The following STPG2 variants were observed in gnomAD, a reference collection of about 807,000 sequenced individuals.
STPG2 encodes sperm-tail PG-rich repeat-containing protein 2.
In STPG2, 56 loss-of-function variants were observed where a neutral mutation model predicts 54.2. The ratio of observed to expected loss-of-function variants is 1.03; its 90% CI spans 0.83 to 1.29. STPG2 has a LOEUF of 1.29. Among genes scored for constraint, STPG2 ranks in the 50% most tolerant of loss-of-function variants. STPG2 has a pLI of 0.00. For synonymous variants in STPG2, 200 were observed against 181.8 expected (o/e 1.10, Z -0.81); for missense variants, 596 against 544.9 (o/e 1.09, Z -0.93).
chr4:97,497,625 T>C (rs1466109267), intron 4 of STPG2, among the ~76,000 whole-genome samples: 1 of 151,846 alleles, frequency 6.6e-6, no homozygotes, highest in Non-Finnish European at 1.5e-5. Flanking sequence ...TATCAGATAA[T>C]TACTTGGAAA....
Position 97,493,163 on chromosome 4 carries a change from C to A in STPG2, c.462+219536G>T, listed in dbSNP as rs142798896. ...AGTCTGTATAGAAAGAGTAAAACGT[C>A]GGTTATTACAGCCTCCAAACTGAAG... On this transcript the variant is annotated intron_variant, in intron 4 of 4. Transcript: ENST00000522676. Among the ~76,000 whole-genome samples the A allele has an allele frequency of 2.5e-4, 37 of 150,784 alleles. No individual in the cohort carries two copies. The East Asian group carries it at 6.7e-3, about 27-fold the overall frequency.
chr4:97,636,476 AG>A (rs1721535363), intron 10 of STPG2, among the ~76,000 whole-genome samples: 1 of 145,698 alleles, frequency 6.9e-6, no homozygotes, highest in Non-Finnish European at 1.5e-5. Flanking sequence ...GCAGAAGGCA[AG>A]AAATAACTAA....
intron 10 of STPG2, among the ~76,000 whole-genome samples, chr4:97,649,531 G>A (rs1458519345): frequency 1.3e-5 from 2 of 152,152 alleles, no homozygotes; most frequent in African/African-American, 2.4e-5. Context: ...TCTCTAGCCA[G>A]TAGAAGCTGA....
At chr4:97,464,889 A>G (rs1729752072) in intron 4 of STPG2, among the ~76,000 whole-genome samples, 1 of 152,166 alleles carries the variant, frequency 6.6e-6, no homozygotes, top group Admixed American at 6.5e-5. Context: ...TACACCCTTA[A>G]AAAAAGTCAT....
chr4:98,096,142 C>T (rs1269732268), intron 5 of STPG2, among the ~76,000 whole-genome samples: 1 of 152,120 alleles, frequency 6.6e-6, no homozygotes, highest in Admixed American at 6.6e-5. Flanking sequence ...CACCTGTAAT[C>T]CCAGCACTTT....
chr4:97,999,914 C>A (rs557509989), intron 5 of STPG2, among the ~76,000 whole-genome samples: 1 of 152,058 alleles, frequency 6.6e-6, no homozygotes, highest in East Asian at 1.9e-4. Flanking sequence ...CATCTGAGGC[C>A]ATGAAATTAA....
In STPG2 at chr4:97,868,559, G is replaced by A. The variant is rs528761177; in HGVS notation, c.1045-27627C>T. Among the ~76,000 whole-genome samples, 6 of 151,992 alleles carry A rather than the reference G, an allele frequency of 3.9e-5. No homozygotes were observed. In the South Asian group the frequency reaches 1.0e-3, roughly 26 times the overall value. ...GTTATTTTTTAATTCTTGGAGCTCAGATTCCAACCAAAGGCTCTCCTGTCA... is the reference window on the plus strand; with the variant it reads ...GTTATTTTTTAATTCTTGGAGCTCAAATTCCAACCAAAGGCTCTCCTGTCA... On this transcript the variant is annotated intron_variant, in intron 8 of 10. Coordinates refer to ENST00000295268, the MANE Select transcript of STPG2 (RefSeq NM_174952.3).
chr4:97,834,951 G>A (rs1051138420), intron 9 of STPG2, among the ~76,000 whole-genome samples: 2 of 151,964 alleles, frequency 1.3e-5, no homozygotes, highest in Non-Finnish European at 2.9e-5. Context: ...CAAACCCTTA[G>A]GATTAAGGGT....
chr4:97,716,205 C>G (rs1724283222), intron 9 of STPG2, among the ~76,000 whole-genome samples: 1 of 151,994 alleles, frequency 6.6e-6, no homozygotes, highest in Non-Finnish European at 1.5e-5. Flanking sequence ...ACAACAGATG[C>G]TGGAGAGGAT....
chr4:97,716,572 C>G lies in STPG2; in HGVS notation c.1205-3758G>C, dbSNP rs184268345. On this transcript the variant is annotated intron_variant, in intron 9 of 10. Coordinates refer to ENST00000295268, the MANE Select transcript of STPG2 (RefSeq NM_174952.3). Reference sequence around the variant, plus strand: ...CAGGGACATGGATGAAGCTGGAAACCATTATTCTCAGCAAACTAACACAGG... The same window carrying G: ...CAGGGACATGGATGAAGCTGGAAACGATTATTCTCAGCAAACTAACACAGG... Among the ~76,000 whole-genome samples, 429 of 151,950 alleles carry G rather than the reference C, an allele frequency of 2.8e-3. 3 individuals are homozygous for G. The highest frequency in any genetic ancestry group is 9.5e-3 in the African/African-American group (392 of 41,438).
At chr4:97,654,015 G>A (rs960987003) in intron 10 of STPG2, among the ~76,000 whole-genome samples, 2 of 152,298 alleles carry the variant, frequency 1.3e-5, no homozygotes, top group Middle Eastern at 3.4e-3. Context: ...ACTCCTGCCT[G>A]CCATTGCTGC....
At chr4:97,535,468 G>T (rs1412348273) in intron 4 of STPG2, among the ~76,000 whole-genome samples, 1 of 152,058 alleles carries the variant, frequency 6.6e-6, no homozygotes, top group Non-Finnish European at 1.5e-5. Flanking sequence ...ACTTTTATTT[G>T]TCTTCAATGT....
At chr4:97,542,231 G>T (rs570258083) in intron 4 of STPG2, among the ~76,000 whole-genome samples, 24 of 152,226 alleles carry the variant, frequency 1.6e-4, no homozygotes, top group African/African-American at 5.8e-4. Flanking sequence ...CTGACAAAGG[G>T]CTAATATCCA....
At chr4:97,902,901 C>T (rs1351484720) in intron 8 of STPG2, among the ~76,000 whole-genome samples, 1 of 151,992 alleles carries the variant, frequency 6.6e-6, no homozygotes, top group South Asian at 2.1e-4. Context: ...ACATAAGTGG[C>T]CACTAATGGA....
chr4:97,741,292 T>C (rs930316939), intron 9 of STPG2, among the ~76,000 whole-genome samples: 1 of 152,208 alleles, frequency 6.6e-6, no homozygotes, highest in South Asian at 2.1e-4. Flanking sequence ...TCACTCAGGA[T>C]ATAGGCATGG....
rs79522122 is a variant in STPG2, at chr4:98,099,100, C to T, written c.612+6853G>A. ...ATAGAGCTGCCATATGAACCAGCAA[C>T]CCCACTGCTAGGCATACAGCCAAAA... On this transcript the variant is annotated intron_variant, in intron 5 of 10. Coordinates refer to ENST00000295268, the MANE Select transcript of STPG2 (RefSeq NM_174952.3). Among the ~76,000 whole-genome samples, 165 of 152,066 alleles carry T rather than the reference C, an allele frequency of 1.1e-3. 2 individuals carry two copies. Among genetic ancestry groups the T allele is most frequent in the East Asian group, 9.8e-3 (51 of 5,178 alleles).
chr4:97,685,429 T>C (rs1477760013), intron 10 of STPG2, among the ~76,000 whole-genome samples: 2 of 151,952 alleles, frequency 1.3e-5, no homozygotes, highest in African/African-American at 2.4e-5. Context: ...AACATGCATA[T>C]GAAGTGAAAA....
chr4:98,113,473 G>A (rs754886339), intron 3 of STPG2, among the ~76,000 whole-genome samples: 8 of 151,912 alleles, frequency 5.3e-5, no homozygotes, highest in Non-Finnish European at 7.4e-5. Context: ...AAATAAAAAG[G>A]ATTAATCCTT....
At chr4:97,864,959 T>G (rs1729708778) in intron 8 of STPG2, among the ~76,000 whole-genome samples, 1 of 152,162 alleles carries the variant, frequency 6.6e-6, no homozygotes, top group African/African-American at 2.4e-5. Context: ...GATTAAAGAC[T>G]TAAATATTAT....
Sources: gnomAD v4.1 joint callset for allele counts (sites outside exome capture counted in the v4.1 genomes callset) on GRCh38, gnomAD v4.1.1 for gene constraint, MANE v1.5 for transcripts, NCBI Gene and HGNC (gene_info 2026-07-23, HGNC 2026-07-21) for gene names.